Variants in PTPRU observed in about 807,000 individuals in gnomAD.
PTPRU encodes the protein receptor-type tyrosine-protein phosphatase U.
A neutral mutation model predicts 166.3 loss-of-function variants in PTPRU; 69 were observed. The observed-to-expected ratio is 0.41, with a 90% CI of 0.34 to 0.51. The LOEUF (loss-of-function observed/expected upper bound fraction) is 0.51. Among genes scored for constraint, PTPRU ranks in the 20% least tolerant of loss-of-function variants. The probability of loss-of-function intolerance (pLI) is 0.09; values close to 1 mark genes in which losing one functional copy is unlikely to be tolerated. For synonymous variants in PTPRU, 793 were observed against 814.0 expected, an observed-to-expected ratio of 0.97 and a Z score of 0.44; for missense variants, 1,657 against 2,013.7, an observed-to-expected ratio of 0.82 and a Z score of 3.39.
At position 29,260,246 on chromosome 1, in the gene PTPRU, G is replaced by A; in HGVS notation, c.850+202G>A. The A allele has an allele frequency of 3.4e-6, 2 of 585,544 alleles. No individual in the cohort carries two copies. The highest frequency in any genetic ancestry group is 5.4e-6 in the Non-Finnish European group (2 of 373,124). The allele number at this position is 585,544 out of a possible 1,614,324, so 36.3% of individuals were successfully genotyped here. A position where few individuals can be genotyped will look rare whatever the true frequency, so the allele number is the denominator to read the frequency against. ...TGATCTAGGGGTCGGGGCTGGCTTC[G>A]AGGGGGACGGACAGGGTCAAGGTGA... On this transcript the variant is annotated intron_variant, in intron 6 of 29. Transcript: ENST00000373779. This position sits in a 1 kb window ranked among gnomAD's most constrained non-coding sequence, Gnocchi z 8.3.
intron 12 of PTPRU, among the ~76,000 whole-genome samples, chr1:29,283,485 C>T (rs1686196560): frequency 6.6e-6 from 1 of 152,116 alleles, no homozygotes; most frequent in Admixed American, 6.5e-5. Context: ...TGCCTTCTAT[C>T]TTAGATGCTT....
At chr1:29,319,425 G>A (rs977099870) in intron 25 of PTPRU, among the ~76,000 whole-genome samples, 4 of 152,280 alleles carry the variant, frequency 2.6e-5, no homozygotes, top group African/African-American at 4.8e-5. Flanking sequence ...TGCCTCTGAC[G>A]TCTGACCCCA....
intron 15 of PTPRU, among the ~76,000 whole-genome samples, chr1:29,301,203 C>T (rs550071126): frequency 2.0e-5 from 3 of 152,222 alleles, no homozygotes; most frequent in East Asian, 3.9e-4. Flanking sequence ...GAGGGACATG[C>T]GTACAATCAT....
At chr1:29,303,507 A>C (rs1488172442) in intron 15 of PTPRU, among the ~76,000 whole-genome samples, 1 of 152,242 alleles carries the variant, frequency 6.6e-6, no homozygotes, top group African/African-American at 2.4e-5. Context: ...GGGGAGGAAG[A>C]AGCAGCTGTC....
intron 19 of PTPRU, 85 bp downstream of exon 19, chr1:29,310,865 T>C: frequency 6.8e-7 from 1 of 1,473,186 alleles, no homozygotes; most frequent in Non-Finnish European, 9.5e-7. Flanking sequence ...CTGCCTCCCC[T>C]GCTGATCCGC....
chr1:29,265,971 C>T (rs1165912628), intron 7 of PTPRU, among the ~76,000 whole-genome samples: 2 of 147,436 alleles, frequency 1.4e-5, no homozygotes, highest in East Asian at 3.9e-4. Context: ...AGTCTAAGAA[C>T]TCCTTGCCTA....
intron 18 of PTPRU, among the ~76,000 whole-genome samples, chr1:29,307,733 G>A (rs1687457996): frequency 7.6e-6 from 1 of 131,090 alleles, no homozygotes; most frequent in Non-Finnish European, 1.7e-5. Flanking sequence ...TGGATAGTCT[G>A]TTTTTAAATA....
intron 1 of PTPRU, among the ~76,000 whole-genome samples, chr1:29,247,443 A>G (rs1263623099): frequency 6.6e-6 from 1 of 152,254 alleles, no homozygotes; most frequent in African/African-American, 2.4e-5. Context: ...AAGCTGCTGT[A>G]CTGCACCCTC....
At chr1:29,305,297 T>G in intron 17 of PTPRU, 55 bp from the exon 18 acceptor site, 1 of 1,551,728 alleles carries the variant, frequency 6.4e-7, no homozygotes. Flanking sequence ...CCTCCCTGAC[T>G]GCCTAGCTCT....
At position 29,260,056 on chromosome 1, in the gene PTPRU, G is replaced by A. The variant is rs769081134; in HGVS notation, c.850+12G>A. On this transcript the variant is annotated intron_variant, in intron 6 of 29. Transcript: ENST00000373779. The surrounding 1 kb of genome is among the most constrained non-coding windows in gnomAD (Gnocchi z 8.3). ...GCTCATCGTCAAGGGTCAGCTGGTG[G>A]ACGCCGGGGAGCGCCGGGACCTCAC... is the stretch of plus-strand genomic sequence containing the variant. 7 of 1,402,714 alleles carry A rather than the reference G, an allele frequency of 5.0e-6. No individual in the cohort carries two copies. The African/African-American group carries it at 7.5e-5, about 15-fold the overall frequency. 86.9% of individuals were successfully genotyped at this position (1,402,714 alleles called of 1,614,324 possible). A position where few individuals can be genotyped will look rare whatever the true frequency, so the allele number is the denominator to read the frequency against.
At position 29,311,843 on chromosome 1, in the gene PTPRU, C is replaced by A; in HGVS notation, c.3072+84C>A. On this transcript the variant is annotated intron_variant, in intron 21 of 29. Transcript: ENST00000373779. The surrounding 1 kb of genome is among the most constrained non-coding windows in gnomAD (Gnocchi z 4.1). ...CTCCCACTTCCCCCAGCCCTGGGAG[C>A]AGGAGGGTGAGGAGCGCACCACTGC... is the stretch of plus-strand genomic sequence containing the variant. 7.3e-7 allele frequency: 1 copy of A among 1,364,810 alleles called. No homozygotes were observed. Among genetic ancestry groups the A allele is most frequent in the Non-Finnish European group, 1.0e-6 (1 of 972,050 alleles). The allele number at this position is 1,364,810 out of a possible 1,614,324, so 84.5% of individuals were successfully genotyped here. A position where few individuals can be genotyped will look rare whatever the true frequency, so the allele number is the denominator to read the frequency against.
rs951843684 is a variant in PTPRU, at chr1:29,279,382, A to G, written c.1564-74A>G. The G allele has an allele frequency of 2.7e-6, 4 of 1,477,708 alleles. No homozygotes were observed. The Admixed American group carries it at 5.0e-5, about 19-fold the overall frequency. 91.5% of individuals were successfully genotyped at this position (1,477,708 alleles called of 1,614,324 possible). A position where few individuals can be genotyped will look rare whatever the true frequency, so the allele number is the denominator to read the frequency against. On this transcript the variant is annotated intron_variant, in intron 9 of 29. Transcript: ENST00000373779. The surrounding 1 kb of genome is among the most constrained non-coding windows in gnomAD (Gnocchi z 5.2). ...GCCTTATCTCTCACTTCCCTGGGACATGGTGGGTGGAGGCTGCTGGTCAGG... is the reference window on the plus strand; with the variant it reads ...GCCTTATCTCTCACTTCCCTGGGACGTGGTGGGTGGAGGCTGCTGGTCAGG...
Position 29,260,355 on chromosome 1 carries a change from T to A in PTPRU, c.851-255T>A. The A allele has an allele frequency of 6.4e-6, 3 of 466,288 alleles. No homozygotes were observed. Among genetic ancestry groups the A allele is most frequent in the Non-Finnish European group, 1.1e-5 (3 of 271,144 alleles). 28.9% of individuals were successfully genotyped at this position (466,288 alleles called of 1,614,324 possible). A position where few individuals can be genotyped will look rare whatever the true frequency, so the allele number is the denominator to read the frequency against. On this transcript the variant is annotated intron_variant, in intron 6 of 29. Coordinates refer to ENST00000373779, the MANE Select transcript of PTPRU (RefSeq NM_133178.4). The surrounding 1 kb of genome is among the most constrained non-coding windows in gnomAD (Gnocchi z 8.3). ...TGCGGTCCGCTCCAGGAGGCGAGGATGTGGGGGATTAGGAGGGGCCTGAGA... is the reference window on the plus strand; with the variant it reads ...TGCGGTCCGCTCCAGGAGGCGAGGAAGTGGGGGATTAGGAGGGGCCTGAGA...
intron 7 of PTPRU, among the ~76,000 whole-genome samples, chr1:29,261,996 A>C (rs1685086717): frequency 6.6e-6 from 1 of 152,212 alleles, no homozygotes; most frequent in African/African-American, 2.4e-5. Context: ...CATTGATACA[A>C]ACCACAGATC....
chr1:29,251,974 G>A (rs536468346), intron 1 of PTPRU, among the ~76,000 whole-genome samples: 1 of 152,352 alleles, frequency 6.6e-6, no homozygotes, highest in South Asian at 2.1e-4. Context: ...TCTCTCTGCT[G>A]CACTGTGGGT....
At chr1:29,314,109 G>T (rs11811458) in intron 22 of PTPRU, among the ~76,000 whole-genome samples, 24,857 of 152,060 alleles carry the variant, frequency 0.16, 2,357 homozygotes, top group African/African-American at 0.26. Flanking sequence ...GTGGATCATC[G>T]TCCATCAAGT....
intron 7 of PTPRU, among the ~76,000 whole-genome samples, chr1:29,268,474 C>G (rs1010113670): frequency 6.6e-6 from 1 of 152,096 alleles, no homozygotes; most frequent in African/African-American, 2.4e-5. Flanking sequence ...CACAGACAGC[C>G]ACATAAGAAA....
intron 18 of PTPRU, among the ~76,000 whole-genome samples, chr1:29,305,995 C>G (rs1687372232): frequency 6.6e-6 from 1 of 152,218 alleles, no homozygotes; most frequent in African/African-American, 2.4e-5. Flanking sequence ...CAGTTAGCAC[C>G]ATGACCTCAC....
Position 29,279,134 on chromosome 1 carries a change from C to G in PTPRU, c.1563+13C>G. 6.5e-7 allele frequency: 1 copy of G among 1,549,530 alleles called. No individual in the cohort carries two copies. Among genetic ancestry groups the G allele is most frequent in the Non-Finnish European group, 8.8e-7 (1 of 1,142,532 alleles). On this transcript the variant is annotated intron_variant, in intron 9 of 29. Transcript: ENST00000373779. The surrounding 1 kb of genome is among the most constrained non-coding windows in gnomAD (Gnocchi z 5.2). ...CACCCAGTATGAGGTGGGTTTGGGA[C>G]CCTATTACAGTGGGGGACCCTGGTG... is the stretch of plus-strand genomic sequence containing the variant.
Sources: allele counts gnomAD v4.1 joint callset (sites outside exome capture counted in the v4.1 genomes callset), GRCh38; gene constraint gnomAD v4.1.1; non-coding constraint Gnocchi (gnomAD v3.1); transcripts MANE v1.5; gene names NCBI Gene and HGNC (gene_info 2026-07-23, HGNC 2026-07-21).